The following SLC16A5 variants were observed in gnomAD, a reference collection of about 807,000 sequenced individuals.
The protein encoded by SLC16A5 is monocarboxylate transporter 6.
Under a neutral mutation model 33.2 loss-of-function variants are expected in SLC16A5, and 29 were observed. The observed-to-expected ratio is 0.87, with a 90% CI of 0.65 to 1.19. The LOEUF is 1.19. SLC16A5 is among the 50% of genes most tolerant of loss of function. The pLI, the probability that SLC16A5 is intolerant of heterozygous loss-of-function variation, is 0.00. For missense variants in SLC16A5, 606 were observed against 678.2 expected (o/e 0.89, Z 1.18); for synonymous variants, 248 against 284.1 (o/e 0.87, Z 1.28).
intron 2 of SLC16A5, chr17:75,089,807 G>C (rs2073614491): frequency 6.7e-6 from 1 of 149,516 alleles, no homozygotes; most frequent in Non-Finnish European, 1.5e-5. Context: ...GTGCAGCCCA[G>C]CCTGGGGTGG....
chr17:75,096,691 C>T (rs2073723296), intron 3 of SLC16A5, among the ~76,000 whole-genome samples: 1 of 150,712 alleles, frequency 6.6e-6, no homozygotes, highest in Non-Finnish European at 1.5e-5. Context: ...GCCACCACAC[C>T]TGGCTAATTT....
At position 75,092,822 on chromosome 17, in the gene SLC16A5, C is replaced by CGTGT. The variant is rs10541835; in HGVS notation, c.-48-732_-48-729dup. 4.7e-4 allele frequency among the ~76,000 whole-genome samples: 64 copies of CGTGT among 136,084 alleles called. 1 individual carries two copies. The highest frequency in any genetic ancestry group is 8.2e-4 in the African/African-American group (31 of 37,582). 89.3% of individuals were successfully genotyped at this position (136,084 alleles called of 152,430 possible). A position where few individuals can be genotyped will look rare whatever the true frequency, so the allele number is the denominator to read the frequency against. On this transcript the variant is annotated intron_variant, in intron 2 of 6. Transcript: ENST00000329783. ...ATGTGTCTGTGTCTGTGTGCCACTG[C>CGTGT]GTGTGTGTGTGTGTGTGTGTGTGTG... is the stretch of plus-strand genomic sequence containing the variant.
intron 2 of SLC16A5, among the ~76,000 whole-genome samples, chr17:75,093,130 G>A (rs1222677146): frequency 6.6e-6 from 1 of 152,146 alleles, no homozygotes; most frequent in Admixed American, 6.5e-5. Context: ...GCGAAAGTCT[G>A]TGTTTGTATG....
rs2073717289 is a variant in SLC16A5, at chr17:75,096,311, C to T, written c.200-1727C>T. ...CCACACCACCCTCAGCTATGCAGCT[C>T]TGGCCTGCAGCCCAGTCCCCACCCC... On this transcript the variant is annotated intron_variant, in intron 3 of 6. Coordinates refer to ENST00000329783, the MANE Select transcript of SLC16A5 (RefSeq NM_004695.4). 2.0e-5 allele frequency among the ~76,000 whole-genome samples: 3 copies of T among 151,536 alleles called. No individual in the cohort carries two copies. The South Asian group carries it at 6.2e-4, about 31-fold the overall frequency.
chr17:75,096,962 A>C (rs2073728564), intron 3 of SLC16A5, among the ~76,000 whole-genome samples: 1 of 142,104 alleles, frequency 7.0e-6, no homozygotes, highest in Admixed American at 7.5e-5. Flanking sequence ...AGTAGCTGGG[A>C]TTACAGGCAC....
chr17:75,105,764 C>A (rs2073855033), intron 6 of SLC16A5, 116 bp from the exon 7 acceptor site: 2 of 1,424,338 alleles, frequency 1.4e-6, no homozygotes, highest in Non-Finnish European at 1.8e-6. Context: ...TCCCCTCACC[C>A]TTCCTTTCCT....
At chr17:75,098,221 T>C in intron 4 of SLC16A5, 40 bp downstream of exon 4, 2 of 1,609,838 alleles carry the variant, frequency 1.2e-6, no homozygotes, top group Non-Finnish European at 1.7e-6. Flanking sequence ...AGGCACCTGC[T>C]AGAAAGTGCC....
In SLC16A5 at chr17:75,105,933, G is replaced by C. The variant is rs2073857336; in HGVS notation, c.1418G>C (p.Gly473Ala). The C allele has an allele frequency of 6.2e-7, 1 of 1,612,088 alleles. No homozygotes were observed. Among genetic ancestry groups the C allele is most frequent in the Non-Finnish European group, 8.5e-7 (1 of 1,178,672 alleles). ...RPAGVNKHLWGCPASSRTSHE... is the reference protein window; with the variant it reads ...RPAGVNKHLWACPASSRTSHE... ...GCTGGCGTCAATAAGCATCTTTGGG[G>C]ATGTCCTGCCTCCTCCAGGACCAGC... The change falls in exon 7 of 7, where the codon GGA becomes GCA. Residue 473 changes from glycine to alanine, a missense_variant. Physicochemically the swap from Gly to Ala is moderately conservative, Grantham distance 60 (BLOSUM62 0). Transcript: ENST00000329783.
rs777566991 is a variant in SLC16A5 at position 75,100,576 on chromosome 17, A to G, written c.913A>G (p.Lys305Glu). 2.7e-5 allele frequency: 43 copies of G among 1,614,070 alleles called. 1 individual carries two copies. Among genetic ancestry groups the G allele is most frequent in the Non-Finnish European group, 3.4e-6 (4 of 1,180,046 alleles). ...AGRPAFASHRKYLFSLALLLN... is the reference protein window; with the variant it reads ...AGRPAFASHREYLFSLALLLN... Reference sequence around the variant, plus strand: ...ACGGCCGGCCTTTGCTAGCCACCGCAAGTACCTGTTCAGCCTGGCACTCCT... The same window carrying G: ...ACGGCCGGCCTTTGCTAGCCACCGCGAGTACCTGTTCAGCCTGGCACTCCT... The change falls in exon 5 of 7, where the codon AAG (lysine) becomes GAG (glutamate). Residue 305 changes from lysine to glutamate, a missense_variant. Lys to Glu is a moderately conservative substitution (Grantham distance 56). Transcript: ENST00000329783.
intron 2 of SLC16A5, among the ~76,000 whole-genome samples, chr17:75,092,028 GGTGTGT>G (rs535726400): frequency 6.7e-6 from 1 of 149,606 alleles, no homozygotes; most frequent in Non-Finnish European, 1.5e-5. Flanking sequence ...ATGTGAGGGG[GGTGTGT>G]GTGTGTGTGT....
chr17:75,105,637 A>G (rs2073853356), intron 6 of SLC16A5: 1 of 985,306 alleles, frequency 1.0e-6, no homozygotes, highest in Non-Finnish European at 1.2e-6. Flanking sequence ...TTGTCCCAGC[A>G]GGGTACCGAG....
At chr17:75,099,890 G>T (rs1016187126) in intron 4 of SLC16A5, 117 bp from the exon 5 acceptor site, 2 of 963,488 alleles carry the variant, frequency 2.1e-6, no homozygotes, top group Non-Finnish European at 3.0e-6. Flanking sequence ...ACTTGGAGCT[G>T]GGTATGGACT....
intron 5 of SLC16A5, 45 bp from the exon 6 acceptor site, chr17:75,103,925 G>T: frequency 6.4e-7 from 1 of 1,553,368 alleles, no homozygotes; most frequent in Non-Finnish European, 8.9e-7. Context: ...GCTGAGTTGG[G>T]GGGAGGCCTG....
At chr17:75,109,783 C>T (rs2073892069), downstream of SLC16A5, among the ~76,000 whole-genome samples, 1 of 152,254 alleles carries the variant, frequency 6.6e-6, no homozygotes, top group South Asian at 2.1e-4. The surrounding 1 kb of genome is among the most constrained non-coding windows in gnomAD (Gnocchi z 5.0). Flanking sequence ...GGCCAGGCTG[C>T]TCCTCGCAGT....
chr17:75,092,817 C>T (rs1568004067), intron 2 of SLC16A5, among the ~76,000 whole-genome samples: 1 of 126,086 alleles, frequency 7.9e-6, no homozygotes, highest in East Asian at 2.3e-4. Context: ...GTCTGTGTGC[C>T]ACTGCGTGTG....
intron 4 of SLC16A5, 82 bp downstream of exon 4, chr17:75,098,263 T>G (rs992931922): frequency 1.3e-6 from 2 of 1,563,030 alleles, no homozygotes; most frequent in Non-Finnish European, 1.7e-6. Context: ...GCAGGCCTCT[T>G]AATCTTCTGG....
intron 3 of SLC16A5, among the ~76,000 whole-genome samples, chr17:75,094,141 G>A (rs115840646): frequency 0.02 from 3,045 of 152,292 alleles, 95 homozygotes; most frequent in African/African-American, 0.069. Flanking sequence ...TGGGAAGAGC[G>A]CTGGGGCCAG....
chr17:75,088,488 C>G (rs2073597509), intron 1 of SLC16A5, among the ~76,000 whole-genome samples: 1 of 152,102 alleles, frequency 6.6e-6, no homozygotes, highest in African/African-American at 2.4e-5. Context: ...GTGATTTGCC[C>G]CAGCCACCCC....
At chr17:75,090,610 C>T (rs1487824406) in intron 2 of SLC16A5, among the ~76,000 whole-genome samples, 1 of 151,724 alleles carries the variant, frequency 6.6e-6, no homozygotes, top group Admixed American at 6.6e-5. Context: ...ACAGGCGAGC[C>T]CCACCACGCC....
Sources: allele counts gnomAD v4.1 joint callset (sites outside exome capture counted in the v4.1 genomes callset), GRCh38; gene constraint gnomAD v4.1.1; non-coding constraint Gnocchi (gnomAD v3.1); transcripts MANE v1.5; gene names NCBI Gene and HGNC (gene_info 2026-07-23, HGNC 2026-07-21).